Variants in GALNT17 observed in about 807,000 individuals in gnomAD.
The protein encoded by GALNT17 is polypeptide N-acetylgalactosaminyltransferase 17, also known as UDP-GalNAc:polypeptide N-acetylgalactosaminyltransferase-like 3.
Under a neutral mutation model 63.7 loss-of-function variants are expected in GALNT17, and 29 were observed. The ratio of observed to expected loss-of-function variants is 0.46; its 90% CI spans 0.34 to 0.62. The LOEUF (loss-of-function observed/expected upper bound fraction) is 0.62, where lower values mean the gene tolerates loss of function less well. GALNT17 is among the 20% of genes least tolerant of loss of function. The probability of loss-of-function intolerance (pLI) is 0.01; values close to 1 mark genes in which losing one functional copy is unlikely to be tolerated. For synonymous variants in GALNT17, 305 were observed against 318.3 expected, an observed-to-expected ratio of 0.96 and a Z score of 0.45; for missense variants, 603 against 799.6, an observed-to-expected ratio of 0.75 and a Z score of 2.97.
intron 1 of GALNT17, among the ~76,000 whole-genome samples, chr7:71,138,012 T>C (rs917615088): frequency 2.0e-5 from 3 of 152,242 alleles, no homozygotes; most frequent in Non-Finnish European, 4.4e-5. Flanking sequence ...ATACACTATA[T>C]TCTTATAAAA....
chr7:71,172,576 C>T (rs1364741915), intron 1 of GALNT17, among the ~76,000 whole-genome samples: 1 of 152,060 alleles, frequency 6.6e-6, no homozygotes, highest in Non-Finnish European at 1.5e-5. Flanking sequence ...GTTTGGTTAT[C>T]CCCAGAGCAA....
chr7:71,242,863 G>A (rs1359135925), intron 1 of GALNT17, among the ~76,000 whole-genome samples: 1 of 152,184 alleles, frequency 6.6e-6, no homozygotes, highest in African/African-American at 2.4e-5. Flanking sequence ...CCATTACTGG[G>A]CCTACTATAG....
In GALNT17 at chr7:71,319,096, A is replaced by ATCTATCTTTCTTTCTTTCTT. The variant is rs779161547; in HGVS notation, c.239-16451_239-16450insATCTTTCTTTCTTTCTTTCT. 1.3e-3 allele frequency among the ~76,000 whole-genome samples: 170 copies of ATCTATCTTTCTTTCTTTCTT among 131,958 alleles called. 4 individuals carry two copies. Among genetic ancestry groups the ATCTATCTTTCTTTCTTTCTT allele is most frequent in the East Asian group, 6.2e-3 (26 of 4,162 alleles). The allele number at this position is 131,958 out of a possible 152,430, so 86.6% of individuals were successfully genotyped here. A position where few individuals can be genotyped will look rare whatever the true frequency, so the allele number is the denominator to read the frequency against. ...TCAGCTTGCTGAGCTATTTTTGTTT[A>ATCTATCTTTCTTTCTTTCTT]TCTTTCTTTCTTTCTTTCTTTCTTT... On this transcript the variant is annotated intron_variant, in intron 1 of 10. Transcript: ENST00000333538.
chr7:71,612,982 C>A (rs566903198), intron 6 of GALNT17, among the ~76,000 whole-genome samples: 2 of 152,278 alleles, frequency 1.3e-5, no homozygotes, highest in East Asian at 3.9e-4. Flanking sequence ...GGATTCACAG[C>A]CTGAAGGTGG....
intron 6 of GALNT17, among the ~76,000 whole-genome samples, chr7:71,630,689 C>G (rs1584101443): frequency 6.6e-6 from 1 of 152,132 alleles, no homozygotes; most frequent in East Asian, 1.9e-4. Context: ...AAGTGCTCTT[C>G]TAAAAATACC....
chr7:71,259,491 G>A (rs951955281), intron 1 of GALNT17, among the ~76,000 whole-genome samples: 20 of 152,160 alleles, frequency 1.3e-4, no homozygotes, highest in Admixed American at 5.9e-4. Flanking sequence ...ACTTGGAAAC[G>A]AAGCACTGGT....
Position 71,444,100 on chromosome 7 carries a change from G to C in GALNT17, c.962+22995G>C, listed in dbSNP as rs375645344. ...CCCTCTGGGCAGTGTCCCTGGCCTGGCTGGCCACTCCTTGCCCTGCTGGCA... is the reference window on the plus strand; with the variant it reads ...CCCTCTGGGCAGTGTCCCTGGCCTGCCTGGCCACTCCTTGCCCTGCTGGCA... On this transcript the variant is annotated intron_variant, in intron 5 of 10. Coordinates refer to ENST00000333538, the MANE Select transcript of GALNT17 (RefSeq NM_022479.3). Among the ~76,000 whole-genome samples, 322 of 152,306 alleles carry C rather than the reference G, an allele frequency of 2.1e-3. 1 individual carries two copies. The highest frequency in any genetic ancestry group is 6.8e-3 in the African/African-American group (284 of 41,580).
At chr7:71,612,406 G>A (rs1165880978) in intron 6 of GALNT17, among the ~76,000 whole-genome samples, 1 of 152,112 alleles carries the variant, frequency 6.6e-6, no homozygotes, top group African/African-American at 2.4e-5. Context: ...TGCCTGCATT[G>A]CAACGTGGAC....
At chr7:71,609,059 G>T (rs1379809207) in intron 6 of GALNT17, among the ~76,000 whole-genome samples, 1 of 151,954 alleles carries the variant, frequency 6.6e-6, no homozygotes, top group South Asian at 2.1e-4. Flanking sequence ...GGGATTCCAG[G>T]TGTGAGCCAT....
chr7:71,639,014 A>G (rs191539330), intron 6 of GALNT17, among the ~76,000 whole-genome samples: 2 of 152,290 alleles, frequency 1.3e-5, no homozygotes, highest in African/African-American at 2.4e-5. Context: ...AATAAGACCT[A>G]CTATTGGATA....
intron 1 of GALNT17, chr7:71,301,050 G>A (rs117296755): frequency 0.027 from 4,109 of 152,226 alleles, 94 homozygotes; most frequent in East Asian, 0.13. Context: ...TACTTTGGGA[G>A]GCAGAGGTGG....
At position 71,689,779 on chromosome 7, in the gene GALNT17, A is replaced by G. The variant is rs569352742; in HGVS notation, c.1500+12473A>G. On this transcript the variant is annotated intron_variant, in intron 9 of 10. Coordinates refer to ENST00000333538, the MANE Select transcript of GALNT17 (RefSeq NM_022479.3). ...CTATTAGAAGAAGGTGCTATCTAGG[A>G]CTTTCCCACATAGAGAGGAGAAGTC... 3.3e-5 allele frequency among the ~76,000 whole-genome samples: 5 copies of G among 152,306 alleles called. No individual in the cohort carries two copies. In the South Asian group the frequency reaches 1.0e-3, roughly 32 times the overall value.
chr7:71,499,688 C>T (rs1325448300), intron 5 of GALNT17, among the ~76,000 whole-genome samples: 1 of 152,210 alleles, frequency 6.6e-6, no homozygotes, highest in African/African-American at 2.4e-5. Flanking sequence ...GATTTCTCTT[C>T]ATCTATACAG....
At chr7:71,431,108 C>T (rs1427752447) in intron 5 of GALNT17, among the ~76,000 whole-genome samples, 2 of 152,012 alleles carry the variant, frequency 1.3e-5, no homozygotes, top group African/African-American at 2.4e-5. Flanking sequence ...TAACTAACAC[C>T]ACAGTGTTCT....
chr7:71,241,574 G>A (rs1425289523), intron 1 of GALNT17, among the ~76,000 whole-genome samples: 1 of 152,118 alleles, frequency 6.6e-6, no homozygotes, highest in African/African-American at 2.4e-5. Context: ...TTTCCTCTTA[G>A]TCTGTTTGTG....
At chr7:71,149,023 C>T (rs1019718464) in intron 1 of GALNT17, among the ~76,000 whole-genome samples, 3 of 151,886 alleles carry the variant, frequency 2.0e-5, no homozygotes, top group Non-Finnish European at 4.4e-5. Flanking sequence ...CCTCGAACTC[C>T]TGGGCTCAAG....
At chr7:71,200,796 G>C (rs918029395) in intron 1 of GALNT17, among the ~76,000 whole-genome samples, 2 of 151,792 alleles carry the variant, frequency 1.3e-5, no homozygotes, top group African/African-American at 4.8e-5. Context: ...CTATCACTTA[G>C]TTATTAGGTC....
At chr7:71,644,561 AAAAAG>A (rs1790649289) in intron 6 of GALNT17, among the ~76,000 whole-genome samples, 3 of 150,514 alleles carry the variant, frequency 2.0e-5, no homozygotes, top group Non-Finnish European at 3.0e-5. Context: ...AAAAGAAAAA[AAAAAG>A]AAGAGAAAGA....
chr7:71,607,474 C>A (rs938512181), intron 6 of GALNT17, among the ~76,000 whole-genome samples: 1 of 152,114 alleles, frequency 6.6e-6, no homozygotes, highest in Non-Finnish European at 1.5e-5. Context: ...TTTACAAATT[C>A]TCAATAAGAT....
Sources: gnomAD v4.1 joint callset for allele counts (sites outside exome capture counted in the v4.1 genomes callset) on GRCh38, gnomAD v4.1.1 for gene constraint, MANE v1.5 for transcripts, NCBI Gene and HGNC (gene_info 2026-07-23, HGNC 2026-07-21) for gene names.